VIT: variants seen among roughly 807,000 people sequenced by gnomAD.
The protein encoded by VIT is vitrin.
VIT carries 99 observed loss-of-function variants against 78.0 expected under a neutral mutation model. That is an observed-to-expected ratio of 1.27 (90% CI 1.08 to 1.50). The LOEUF is 1.50. Among genes scored for constraint, VIT ranks in the 40% most tolerant of loss-of-function variants. The probability of loss-of-function intolerance (pLI) is 0.00; values close to 1 mark genes in which losing one functional copy is unlikely to be tolerated. For missense variants in VIT, 1,126 were observed against 875.3 expected (o/e 1.29, Z -3.61); for synonymous variants, 374 against 334.3 (o/e 1.12, Z -1.29).
At position 36,750,670 on chromosome 2, in the gene VIT, A is replaced by T. The variant is rs187365166; in HGVS notation, c.276-4251A>T. Among the ~76,000 whole-genome samples, 340 of 151,880 alleles carry T rather than the reference A, an allele frequency of 2.2e-3. 1 individual carries two copies. The highest frequency in any genetic ancestry group is 7.5e-3 in the African/African-American group (311 of 41,400). ...ACCCCGTCTCTACTAAAAATACAAA[A>T]ATTAGCTGGGCATGGCGGTGCACAC... On this transcript the variant is annotated intron_variant, in intron 4 of 15. Coordinates refer to ENST00000379242, the MANE Select transcript of VIT (RefSeq NM_053276.4).
chr2:36,811,922 CACCTCA>C, intron 15 of VIT, among the ~76,000 whole-genome samples: 1 of 152,214 alleles, frequency 6.6e-6, no homozygotes, highest in Admixed American at 6.5e-5. Context: ...GTGATCCACC[CACCTCA>C]GCCTCCCGAA....
At chr2:36,770,461 G>C (rs1176141814) in intron 7 of VIT, among the ~76,000 whole-genome samples, 2 of 152,144 alleles carry the variant, frequency 1.3e-5, no homozygotes, top group Non-Finnish European at 2.9e-5. Flanking sequence ...GTGGAAGGTG[G>C]GGCTGGACAC....
Position 36,812,152 on chromosome 2 carries a change from C to T in VIT, c.1904-2031C>T, listed in dbSNP as rs551703089. Among the ~76,000 whole-genome samples, 5 of 152,162 alleles carry T rather than the reference C, an allele frequency of 3.3e-5. No individual in the cohort carries two copies. In the South Asian group the frequency reaches 1.0e-3, roughly 32 times the overall value. On this transcript the variant is annotated intron_variant, in intron 15 of 15. Transcript: ENST00000379242. Reference sequence around the variant, plus strand: ...GCTCCTTCCAATCTAGACAATGTTCCGAGAAAAGAAACTGGAGGAGGGAGA... The same window carrying T: ...GCTCCTTCCAATCTAGACAATGTTCTGAGAAAAGAAACTGGAGGAGGGAGA...
intron 4 of VIT, among the ~76,000 whole-genome samples, chr2:36,750,574 G>A (rs1668395863): frequency 6.6e-6 from 1 of 152,062 alleles, no homozygotes; most frequent in Non-Finnish European, 1.5e-5. Context: ...TGTAATCCCA[G>A]CACTTTGGGA....
intron 15 of VIT, among the ~76,000 whole-genome samples, chr2:36,809,470 T>A (rs1666991154): frequency 6.6e-6 from 1 of 152,238 alleles, no homozygotes; most frequent in African/African-American, 2.4e-5. Flanking sequence ...CAGGCTGTAG[T>A]GCAACGGTGC....
intron 8 of VIT, among the ~76,000 whole-genome samples, chr2:36,774,106 T>TCATTC (rs1478343543): frequency 6.6e-6 from 1 of 152,174 alleles, no homozygotes; most frequent in Non-Finnish European, 1.5e-5. Context: ...CAGGATTCAG[T>TCATTC]AACCGGGCTC....
chr2:36,805,403 G>C, intron 13 of VIT, 35 bp from the exon 14 acceptor site: 2 of 1,548,060 alleles, frequency 1.3e-6, no homozygotes, highest in Non-Finnish European at 1.7e-6. Flanking sequence ...TAATCAGCGT[G>C]ATCACTCCAA....
chr2:36,766,471 C>T (rs1241488314), intron 6 of VIT, among the ~76,000 whole-genome samples: 1 of 152,154 alleles, frequency 6.6e-6, no homozygotes, highest in Non-Finnish European at 1.5e-5. Context: ...TTCGAGGCTG[C>T]AGTGAGCTAT....
intron 5 of VIT, among the ~76,000 whole-genome samples, chr2:36,756,467 G>A (rs1443997206): frequency 6.6e-6 from 1 of 152,146 alleles, no homozygotes; most frequent in Non-Finnish European, 1.5e-5. Flanking sequence ...TAAAACAGTA[G>A]GTCTTCCAAT....
intron 3 of VIT, among the ~76,000 whole-genome samples, chr2:36,734,125 G>A (rs979105740): frequency 6.6e-6 from 1 of 152,158 alleles, no homozygotes; most frequent in African/African-American, 2.4e-5. Flanking sequence ...GGTGGGCCCA[G>A]CAATCTGTGC....
chr2:36,796,365 G>C (rs1665902058), intron 12 of VIT, among the ~76,000 whole-genome samples: 1 of 152,212 alleles, frequency 6.6e-6, no homozygotes, highest in African/African-American at 2.4e-5. Flanking sequence ...AGGCTCACAG[G>C]AACCAAACCT....
At chr2:36,788,295 C>T (rs927118112) in intron 12 of VIT, among the ~76,000 whole-genome samples, 1 of 152,194 alleles carries the variant, frequency 6.6e-6, no homozygotes, top group Non-Finnish European at 1.5e-5. Context: ...TCTCCAGCGC[C>T]TTCAGAGGTT....
At chr2:36,702,547 C>G (rs971064663) in intron 1 of VIT, among the ~76,000 whole-genome samples, 1 of 152,176 alleles carries the variant, frequency 6.6e-6, no homozygotes, top group Admixed American at 6.5e-5. Flanking sequence ...CACATCCAGG[C>G]TTGCTTTCTG....
chr2:36,751,475 G>A (rs551421007), intron 4 of VIT, among the ~76,000 whole-genome samples: 4 of 152,284 alleles, frequency 2.6e-5, no homozygotes, highest in South Asian at 2.1e-4. Flanking sequence ...CCGGAGCCCA[G>A]GTGATATATT....
intron 6 of VIT, chr2:36,759,555 C>T: frequency 1.9e-6 from 2 of 1,063,958 alleles, no homozygotes; most frequent in South Asian, 6.3e-5. Flanking sequence ...ATCGGTAGAC[C>T]TCAGGCCAAG....
chr2:36,778,921 C>G (rs1670230666), intron 9 of VIT, among the ~76,000 whole-genome samples: 1 of 152,174 alleles, frequency 6.6e-6, no homozygotes, highest in South Asian at 2.1e-4. Context: ...AACGAGGGAG[C>G]TGAAGGGACA....
intron 3 of VIT, among the ~76,000 whole-genome samples, chr2:36,736,727 C>G (rs1167419724): frequency 6.6e-6 from 1 of 152,200 alleles, no homozygotes; most frequent in Non-Finnish European, 1.5e-5. Flanking sequence ...CAATCCCTAT[C>G]CCCAACACAC....
At chr2:36,745,818 T>C (rs921796505) in intron 4 of VIT, among the ~76,000 whole-genome samples, 1 of 152,092 alleles carries the variant, frequency 6.6e-6, no homozygotes, top group African/African-American at 2.4e-5. Flanking sequence ...CCTGGTTGCT[T>C]TGGCTAGGAC....
chr2:36,781,634 T>C (rs750073197), intron 9 of VIT, 93 bp from the exon 10 acceptor site: 114 of 1,434,736 alleles, frequency 7.9e-5, no homozygotes, highest in Admixed American at 4.0e-4. Context: ...TCAGACACAA[T>C]TGGGAAACCT....
Sources: allele counts gnomAD v4.1 joint callset (sites outside exome capture counted in the v4.1 genomes callset), GRCh38; gene constraint gnomAD v4.1.1; transcripts MANE v1.5; gene names NCBI Gene and HGNC (gene_info 2026-07-23, HGNC 2026-07-21).